The following PRKCQ variants were observed in gnomAD, a reference collection of about 807,000 sequenced individuals.
PRKCQ encodes protein kinase C theta, also known as protein kinase C theta type.
In PRKCQ, 41 loss-of-function variants were observed where a neutral mutation model predicts 91.2. The ratio of observed to expected loss-of-function variants is 0.45; its 90% CI spans 0.35 to 0.58. PRKCQ has a LOEUF of 0.58. PRKCQ is among the 20% of genes least tolerant of loss of function. PRKCQ has a pLI of 0.00. For missense variants in PRKCQ, 673 were observed against 896.5 expected (o/e 0.75, Z 3.18); for synonymous variants, 307 against 316.9 (o/e 0.97, Z 0.33).
intron 1 of PRKCQ, among the ~76,000 whole-genome samples, chr10:6,558,853 G>A (rs1840517264): frequency 6.6e-6 from 1 of 152,180 alleles, no homozygotes; most frequent in African/African-American, 2.4e-5. Context: ...AGAGAAGGGG[G>A]CGACGAGAAA....
chr10:6,438,056 T>C (rs770019376), intron 16 of PRKCQ, among the ~76,000 whole-genome samples: 3 of 152,250 alleles, frequency 2.0e-5, no homozygotes, highest in Non-Finnish European at 4.4e-5. Context: ...GTGCCTTTAA[T>C]TGATTGTTGA....
At chr10:6,420,559 T>A in the PRKCQ span, among the ~76,000 whole-genome samples, 1 of 152,228 alleles carries the variant, frequency 6.6e-6, no homozygotes, top group Non-Finnish European at 1.5e-5. Flanking sequence ...GTAAAATATA[T>A]CCTCTCAATA....
At chr10:6,449,023 T>C (rs1239025827) in intron 15 of PRKCQ, among the ~76,000 whole-genome samples, 2 of 151,916 alleles carry the variant, frequency 1.3e-5, no homozygotes, top group African/African-American at 4.8e-5. Context: ...AAAAGCAGAG[T>C]GCCTCTCCTC....
chr10:6,462,944 G>T lies in PRKCQ; in HGVS notation c.1446-579C>A, dbSNP rs1186439471. Among the ~76,000 whole-genome samples, 4 of 151,086 alleles carry T rather than the reference G, an allele frequency of 2.6e-5. No individual in the cohort carries two copies. In the East Asian group the frequency reaches 5.8e-4, roughly 22 times the overall value. On this transcript the variant is annotated intron_variant, in intron 13 of 17. Coordinates refer to ENST00000263125, the MANE Select transcript of PRKCQ (RefSeq NM_006257.5). ...CACTTGAACCTGGGAGGCAGAGGTT[G>T]CAGTGAGCTGAGATCACACCACTGC...
At chr10:6,496,894 G>A in intron 7 of PRKCQ, 141 bp downstream of exon 7, 1 of 787,568 alleles carries the variant, frequency 1.3e-6, no homozygotes, top group Admixed American at 2.3e-5. Flanking sequence ...TTATTGAAGA[G>A]GAAAGAGTTT....
chr10:6,534,704 C>T, intron 1 of PRKCQ, among the ~76,000 whole-genome samples: 1 of 149,780 alleles, frequency 6.7e-6, no homozygotes, highest in East Asian at 1.9e-4. Flanking sequence ...ATTTTATAAC[C>T]AGTGGCTTAT....
At chr10:6,520,747 T>C (rs1235605059) in intron 1 of PRKCQ, among the ~76,000 whole-genome samples, 2 of 152,194 alleles carry the variant, frequency 1.3e-5, no homozygotes, top group African/African-American at 4.8e-5. Context: ...ACCTGTCATA[T>C]TGATTTGCGT....
intron 12 of PRKCQ, among the ~76,000 whole-genome samples, chr10:6,468,117 G>A (rs1835780901): frequency 3.3e-5 from 5 of 152,110 alleles, no homozygotes; most frequent in Admixed American, 2.6e-4. Flanking sequence ...ATAGGACTGC[G>A]TTTGCATACA....
intron 14 of PRKCQ, among the ~76,000 whole-genome samples, chr10:6,462,085 G>T (rs1252963429): frequency 6.6e-6 from 1 of 152,222 alleles, no homozygotes; most frequent in African/African-American, 2.4e-5. Context: ...CCAGCATAAA[G>T]GACAGAATGA....
chr10:6,552,460 CT>C (rs59752400), intron 1 of PRKCQ, among the ~76,000 whole-genome samples: 34,911 of 137,074 alleles, frequency 0.25, 4,213 homozygotes, highest in African/African-American at 0.41. Flanking sequence ...ACCTGTTAGT[CT>C]TTTTTTTTTT....
chr10:6,411,953 CTTT>C, the PRKCQ span, among the ~76,000 whole-genome samples: 4 of 152,186 alleles, frequency 2.6e-5, no homozygotes, highest in Non-Finnish European at 5.9e-5. Context: ...GATACTAAGT[CTTT>C]TTGATAAACA....
At chr10:6,441,871 C>T (rs374102762) in intron 16 of PRKCQ, 22 bp downstream of exon 16, 58 of 1,577,738 alleles carry the variant, frequency 3.7e-5, no homozygotes, top group Admixed American at 8.8e-5. Context: ...CTTATGAAGA[C>T]GCTCTTGGCT....
chr10:6,442,102 C>G (rs567136622), intron 15 of PRKCQ, 21 bp from the exon 16 acceptor site: 1 of 1,601,780 alleles, frequency 6.2e-7, no homozygotes, highest in South Asian at 1.1e-5. Context: ...AAAAGGCAGA[C>G]AGGAAATTAA....
chr10:6,516,245 C>T (rs1838747490), intron 1 of PRKCQ, among the ~76,000 whole-genome samples: 1 of 152,160 alleles, frequency 6.6e-6, no homozygotes, highest in Non-Finnish European at 1.5e-5. Context: ...AAAGGGATCT[C>T]CAGTATGCTA....
At chr10:6,524,770 G>C (rs1410399467) in intron 1 of PRKCQ, among the ~76,000 whole-genome samples, 1 of 152,180 alleles carries the variant, frequency 6.6e-6, no homozygotes, top group East Asian at 1.9e-4. Context: ...GGAGGGAGGA[G>C]GGTAGTGGGC....
intron 1 of PRKCQ, among the ~76,000 whole-genome samples, chr10:6,567,964 G>C (rs1840891979): frequency 6.6e-6 from 1 of 152,102 alleles, no homozygotes; most frequent in Non-Finnish European, 1.5e-5. Flanking sequence ...TGGGCGTGGT[G>C]GCTCTCGCCT....
chr10:6,534,868 A>G (rs1839521236), intron 1 of PRKCQ, among the ~76,000 whole-genome samples: 1 of 150,718 alleles, frequency 6.6e-6, no homozygotes, highest in East Asian at 1.9e-4. Context: ...GTAAAATGCT[A>G]TCTTTCAGTA....
At chr10:6,492,572 G>A (rs1837378233) in intron 7 of PRKCQ, among the ~76,000 whole-genome samples, 1 of 152,210 alleles carries the variant, frequency 6.6e-6, no homozygotes, top group Admixed American at 6.5e-5. Flanking sequence ...TTGGCAGTCA[G>A]AATCAGAGCC....
At chr10:6,449,318 G>C (rs1785104028) in intron 15 of PRKCQ, among the ~76,000 whole-genome samples, 1 of 151,936 alleles carries the variant, frequency 6.6e-6, no homozygotes. Context: ...CGATCAACTG[G>C]AAGAAAGAGT....
Sources: gnomAD v4.1 joint callset for allele counts (sites outside exome capture counted in the v4.1 genomes callset) on GRCh38, gnomAD v4.1.1 for gene constraint, MANE v1.5 for transcripts, NCBI Gene and HGNC (gene_info 2026-07-23, HGNC 2026-07-21) for gene names.